Variants in AUTS2 observed in about 807,000 individuals in gnomAD.
AUTS2 encodes the protein activator of transcription and developmental regulator AUTS2, also known as autism susceptibility gene 2 protein.
Under a neutral mutation model 112.4 loss-of-function variants are expected in AUTS2, and 17 were observed. The observed-to-expected ratio is 0.15, with a 90% CI of 0.10 to 0.23. The LOEUF is 0.23. Ranked by LOEUF, AUTS2 falls within the 10% of genes least tolerant of loss-of-function variation. AUTS2 has a pLI of 1.00. For synonymous variants in AUTS2, 751 were observed against 702.7 expected (o/e 1.07, Z -1.09); for missense variants, 1,510 against 1,701.6 (o/e 0.89, Z 1.98).
chr7:70,452,454 G>C (rs12698905), intron 5 of AUTS2, among the ~76,000 whole-genome samples: 20,555 of 152,120 alleles, frequency 0.14, 1,790 homozygotes, highest in Non-Finnish European at 0.18. Context: ...GCAAGATCCT[G>C]TCTCAATAAT....
intron 1 of AUTS2, among the ~76,000 whole-genome samples, chr7:69,709,068 T>C (rs1474114120): frequency 2.0e-5 from 3 of 152,178 alleles, no homozygotes; most frequent in Non-Finnish European, 2.9e-5. Context: ...GCTAGGAATA[T>C]GTCACAAAGC....
rs1281493241 is a variant in AUTS2 at position 70,791,162 on chromosome 7, A to ATAT, written c.*170_*172dup. 9.4e-6 allele frequency: 6 copies of ATAT among 639,058 alleles called. No individual in the cohort carries two copies. The highest frequency in any genetic ancestry group is 1.4e-5 in the Non-Finnish European group (6 of 439,894). The allele number at this position is 639,058 out of a possible 1,614,324, so 39.6% of individuals were successfully genotyped here. A position where few individuals can be genotyped will look rare whatever the true frequency, so the allele number is the denominator to read the frequency against. On this transcript the variant is annotated 3_prime_UTR_variant, in exon 19 of 19. Transcript: ENST00000342771. Reference sequence around the variant, plus strand: ...CAGTGCACATTTTGAAATGTTTTGTATATTATATGTTGAGATTTTTCAGAT... The same window carrying ATAT: ...CAGTGCACATTTTGAAATGTTTTGTATATTATTATATGTTGAGATTTTTCAGAT...
intron 4 of AUTS2, among the ~76,000 whole-genome samples, chr7:70,265,016 A>G (rs1388993209): frequency 6.6e-6 from 1 of 152,220 alleles, no homozygotes; most frequent in Non-Finnish European, 1.5e-5. Context: ...AGTTCAAGGC[A>G]TTCCCCTTCA....
In AUTS2 at chr7:69,835,547, GAA is replaced by G. The variant is rs1447751625; in HGVS notation, c.310-63738_310-63737del. On this transcript the variant is annotated intron_variant, in intron 1 of 18. Transcript: ENST00000342771. Reference sequence around the variant, plus strand: ...GAGATAGGTCTTTTGATTCAGTGTTGAAGATTTGTGTCAAGAGACTCCCAAAC... The same window carrying G: ...GAGATAGGTCTTTTGATTCAGTGTTGGATTTGTGTCAAGAGACTCCCAAAC... Among the ~76,000 whole-genome samples, 4 of 152,234 alleles carry G rather than the reference GAA, an allele frequency of 2.6e-5. No homozygotes were observed. The East Asian group carries it at 7.8e-4, about 30-fold the overall frequency.
At chr7:70,021,599 T>G (rs1288806909) in intron 2 of AUTS2, among the ~76,000 whole-genome samples, 1 of 152,142 alleles carries the variant, frequency 6.6e-6, no homozygotes, top group Admixed American at 6.5e-5. Context: ...TAAAATAACG[T>G]GGAAAGGGTA....
At chr7:69,676,458 C>G (rs1384970032) in intron 1 of AUTS2, among the ~76,000 whole-genome samples, 1 of 152,222 alleles carries the variant, frequency 6.6e-6, no homozygotes, top group African/African-American at 2.4e-5. Flanking sequence ...CTAGAAATGA[C>G]TATAAACTGA....
chr7:70,631,212 C>A lies in AUTS2; in HGVS notation c.691-67357C>A, dbSNP rs1805240408. Among the ~76,000 whole-genome samples the A allele has an allele frequency of 1.3e-5, 2 of 152,152 alleles. No homozygotes were observed. Among genetic ancestry groups the A allele is most frequent in the Non-Finnish European group, 2.9e-5 (2 of 68,028 alleles). ...ATGTCAGCACAGGATGACGAAGGGG[C>A]CAAGAGGGTCCTCAGAGACAAACTG... On this transcript the variant is annotated intron_variant, in intron 5 of 18. Transcript: ENST00000342771. This position sits in a 1 kb window ranked among gnomAD's most constrained non-coding sequence, Gnocchi z 4.5.
At chr7:69,935,913 T>A (rs987939866) in intron 2 of AUTS2, among the ~76,000 whole-genome samples, 2 of 152,198 alleles carry the variant, frequency 1.3e-5, no homozygotes, top group African/African-American at 4.8e-5. Flanking sequence ...ACCAACATTA[T>A]AGACCTACTG....
Position 70,287,556 on chromosome 7 carries a change from G to A in AUTS2, c.661-148196G>A, listed in dbSNP as rs576602214. 6.2e-4 allele frequency among the ~76,000 whole-genome samples: 94 copies of A among 152,194 alleles called. No individual in the cohort carries two copies. In the South Asian group the frequency reaches 0.015, roughly 24 times the overall value. On this transcript the variant is annotated intron_variant, in intron 4 of 18. Transcript: ENST00000342771. ...GCTCCTCCCAGTAGTTTAGAGCGTTGCTGACCACCTTCTTTTTGTCCACTC... is the reference window on the plus strand; with the variant it reads ...GCTCCTCCCAGTAGTTTAGAGCGTTACTGACCACCTTCTTTTTGTCCACTC...
chr7:69,616,978 A>G (rs553230321), intron 1 of AUTS2, among the ~76,000 whole-genome samples: 4 of 152,308 alleles, frequency 2.6e-5, no homozygotes, highest in East Asian at 1.9e-4. Flanking sequence ...AGGCACAGGA[A>G]GTACCATAGT....
intron 2 of AUTS2, among the ~76,000 whole-genome samples, chr7:70,081,387 TA>T (rs57155688): frequency 0.38 from 33,537 of 89,160 alleles, 4,564 homozygotes; most frequent in Middle Eastern, 0.45. Context: ...CCCGTCTCTA[TA>T]AAAAAAAAAA....
chr7:70,192,418 A>C (rs1809951442), intron 4 of AUTS2, among the ~76,000 whole-genome samples: 1 of 152,196 alleles, frequency 6.6e-6, no homozygotes, highest in Non-Finnish European at 1.5e-5. Context: ...AATGAAACGA[A>C]AGTTTTACGG....
chr7:69,985,745 A>G (rs1798485070), intron 2 of AUTS2, among the ~76,000 whole-genome samples: 1 of 150,950 alleles, frequency 6.6e-6, no homozygotes, highest in South Asian at 2.1e-4. Context: ...CCAACCATCT[A>G]AGTTTGCCCC....
chr7:69,626,404 C>A (rs1278985440), intron 1 of AUTS2, among the ~76,000 whole-genome samples: 1 of 152,034 alleles, frequency 6.6e-6, no homozygotes, highest in African/African-American at 2.4e-5. Context: ...GTTGCCGTGT[C>A]CACAGTCCCC....
intron 2 of AUTS2, among the ~76,000 whole-genome samples, chr7:69,920,233 A>C (rs1268776321): frequency 6.6e-6 from 1 of 151,994 alleles, no homozygotes; most frequent in Non-Finnish European, 1.5e-5. Flanking sequence ...CCATGTTCCT[A>C]GATGTATTCA....
chr7:70,134,455 G>A, intron 3 of AUTS2, 81 bp from the exon 4 acceptor site: 1 of 1,202,122 alleles, frequency 8.3e-7, no homozygotes, highest in Non-Finnish European at 1.2e-6. Context: ...GCCTGCAAAG[G>A]GCTGGTAATG....
chr7:70,763,104 A>G lies in AUTS2; in HGVS notation c.977A>G (p.Gln326Arg), dbSNP rs759351368. 15 of 1,613,936 alleles carry G rather than the reference A, an allele frequency of 9.3e-6. No individual in the cohort carries two copies. Among genetic ancestry groups the G allele is most frequent in the South Asian group, 8.8e-5 (8 of 91,080 alleles). ...CCTTCTCCGGACCCTGACTTGGTGCAGCGCACAGAGGCCCCACCTCAACCC... is the reference window on the plus strand; with the variant it reads ...CCTTCTCCGGACCCTGACTTGGTGCGGCGCACAGAGGCCCCACCTCAACCC... Reference protein sequence around the residue: ...RAPSPDPDLVQRTEAPPQPPP... With the variant: ...RAPSPDPDLVRRTEAPPQPPP... Residue 326 changes from glutamine (Q) to arginine (R), a missense_variant, in exon 7 of 19, where the codon CAG (glutamine) becomes CGG (arginine). Around this residue, in one of 3 missense-constraint regions of AUTS2, gnomAD observed 535 missense variants for 594.3 expected, o/e 0.90. Transcript: ENST00000342771.
At chr7:69,874,082 G>C (rs1793620431) in intron 1 of AUTS2, among the ~76,000 whole-genome samples, 1 of 152,166 alleles carries the variant, frequency 6.6e-6, no homozygotes, top group Non-Finnish European at 1.5e-5. Flanking sequence ...TACTGGCAGA[G>C]GAAGTTGCAG....
chr7:69,908,169 A>G (rs1256777931), intron 2 of AUTS2, among the ~76,000 whole-genome samples: 1 of 152,150 alleles, frequency 6.6e-6, no homozygotes, highest in East Asian at 1.9e-4. Context: ...CGCTTTCACT[A>G]CTATCACTCT....
Sources: allele counts gnomAD v4.1 joint callset (sites outside exome capture counted in the v4.1 genomes callset), GRCh38; gene constraint gnomAD v4.1.1; regional missense constraint gnomAD v4.1.1; non-coding constraint Gnocchi (gnomAD v3.1); transcripts MANE v1.5; gene names NCBI Gene and HGNC (gene_info 2026-07-23, HGNC 2026-07-21).